Variants in ZYX observed in about 807,000 individuals in gnomAD.
ZYX encodes the protein zyxin-2.
A neutral mutation model predicts 58.1 loss-of-function variants in ZYX; 37 were observed. The ratio of observed to expected loss-of-function variants is 0.64; its 90% CI spans 0.49 to 0.84. The LOEUF is 0.84. ZYX is among the 40% of genes least tolerant of loss of function. ZYX has a pLI of 0.00. For missense variants in ZYX, 762 were observed against 761.6 expected (o/e 1.00, Z -0.01); for synonymous variants, 324 against 321.1 (o/e 1.01, Z -0.10).
In ZYX at chr7:143,390,988, C is replaced by A; in HGVS notation, c.*306C>A. On this transcript the variant is annotated 3_prime_UTR_variant, in exon 10 of 10. Coordinates refer to ENST00000322764, the MANE Select transcript of ZYX (RefSeq NM_003461.5). This position sits in a 1 kb window ranked among gnomAD's most constrained non-coding sequence, Gnocchi z 4.3. ...GCTGCACCCGCGCCCTCGGCCGGCC[C>A]CCCGAGCAGCCTTTGTACTCTGCTT... 1 of 401,706 alleles carries A rather than the reference C, an allele frequency of 2.5e-6. No homozygotes were observed. Among genetic ancestry groups the A allele is most frequent in the Non-Finnish European group, 4.6e-6 (1 of 217,334 alleles). 24.9% of individuals were successfully genotyped at this position (401,706 alleles called of 1,614,324 possible). A position where few individuals can be genotyped will look rare whatever the true frequency, so the allele number is the denominator to read the frequency against.
In ZYX at chr7:143,388,189, T is replaced by C. The variant is rs74512131; in HGVS notation, c.1024-30T>C. 1,640 of 1,572,964 alleles carry C rather than the reference T, an allele frequency of 1.0e-3. 14 individuals are homozygous for C. The African/African-American group carries it at 0.019, about 19-fold the overall frequency. On this transcript the variant is annotated intron_variant, in intron 5 of 9. Transcript: ENST00000322764. This position sits in a 1 kb window ranked among gnomAD's most constrained non-coding sequence, Gnocchi z 7.5. Reference sequence around the variant, plus strand: ...AAGGTTCTTGGAGGCAGCAGCCCTCTAGAGTGTGAGGAAAATGTTGGGATT... The same window carrying C: ...AAGGTTCTTGGAGGCAGCAGCCCTCCAGAGTGTGAGGAAAATGTTGGGATT...
chr7:143,382,532 T>G, intron 3 of ZYX, 61 bp from the exon 4 acceptor site: 1 of 1,599,398 alleles, frequency 6.3e-7, no homozygotes, highest in Non-Finnish European at 8.6e-7. Flanking sequence ...CCCCTGCACC[T>G]CTGCCTTGGG....
chr7:143,384,561 C>T lies in ZYX; in HGVS notation c.1023+1239C>T, dbSNP rs1489758457. 9.9e-5 allele frequency among the ~76,000 whole-genome samples: 15 copies of T among 152,048 alleles called. No homozygotes were observed. On this transcript the variant is annotated intron_variant, in intron 5 of 9. Coordinates refer to ENST00000322764, the MANE Select transcript of ZYX (RefSeq NM_003461.5). The surrounding 1 kb of genome is among the most constrained non-coding windows in gnomAD (Gnocchi z 4.9). ...GAAGCTTTCTGGAAAGTTTCACCAG[C>T]AGAGATGTGTATTCGAGGGAGGTCA...
intron 5 of ZYX, among the ~76,000 whole-genome samples, chr7:143,386,107 G>A (rs968707694): frequency 6.6e-6 from 1 of 151,758 alleles, no homozygotes; most frequent in Non-Finnish European, 1.5e-5. Context: ...TATGTGTGAG[G>A]GTGTGTGTGT....
At position 143,382,324 on chromosome 7, in the gene ZYX, GC is replaced by G. The variant is rs752841091; in HGVS notation, c.290del (p.Pro97LeufsTer45). ...EGALGGAFPP[P>X]PPPIEESFPP... ...GTGCTCTGGGAGGTGCCTTCCCGCC[GC>G]CCCCTCCCCCGATCGAGGAATCATT... is the stretch of plus-strand genomic sequence containing the variant. On this transcript the variant is annotated frameshift_variant, in exon 3 of 10. Transcript: ENST00000322764. LOFTEE classifies it high-confidence loss of function. 3.1e-6 allele frequency: 5 copies of G among 1,608,498 alleles called. No individual in the cohort carries two copies. Among genetic ancestry groups the G allele is most frequent in the Non-Finnish European group, 4.2e-6 (5 of 1,176,790 alleles).
chr7:143,385,599 C>A (rs1804828674), intron 5 of ZYX, among the ~76,000 whole-genome samples: 1 of 143,484 alleles, frequency 7.0e-6, no homozygotes, highest in South Asian at 2.4e-4. Context: ...CTTACAAATA[C>A]ACACAAGTGG....
In ZYX at chr7:143,384,369, G is replaced by C. The variant is rs1804782158; in HGVS notation, c.1023+1047G>C. 4 of 424,878 alleles carry C rather than the reference G, an allele frequency of 9.4e-6. No individual in the cohort carries two copies. The highest frequency in any genetic ancestry group is 3.4e-5 in the South Asian group (2 of 58,734). 26.3% of individuals were successfully genotyped at this position (424,878 alleles called of 1,614,324 possible). ...GATGTTTGGAGAACAGAAAGTGGAAGGTTCCTGTAGGAAAATGATAGAGCT... is the reference window on the plus strand; with the variant it reads ...GATGTTTGGAGAACAGAAAGTGGAACGTTCCTGTAGGAAAATGATAGAGCT... On this transcript the variant is annotated intron_variant, in intron 5 of 9. Transcript: ENST00000322764. The surrounding 1 kb of genome is among the most constrained non-coding windows in gnomAD (Gnocchi z 4.9).
chr7:143,382,775 T>A, intron 4 of ZYX, 26 bp from the exon 5 acceptor site: 1 of 1,609,616 alleles, frequency 6.2e-7, no homozygotes, highest in South Asian at 1.1e-5. Flanking sequence ...TGACTGCATC[T>A]CTCTTCCCTC....
rs779934079 is a variant in ZYX, at chr7:143,388,666, G to A, written c.1314+8G>A. 2.6e-5 allele frequency: 41 copies of A among 1,594,138 alleles called. No homozygotes were observed. The highest frequency in any genetic ancestry group is 2.4e-4 in the Admixed American group (14 of 58,860). On this transcript the variant is annotated splice_region_variant and intron_variant, in intron 7 of 9. Coordinates refer to ENST00000322764, the MANE Select transcript of ZYX (RefSeq NM_003461.5). This position sits in a 1 kb window ranked among gnomAD's most constrained non-coding sequence, Gnocchi z 7.5. The stretch of plus-strand genomic sequence containing the variant: ...TGCGAGGGCTGTTACACTGTGAGTC[G>A]GGCTGTGCTGGGCTGTGCTGGGCTG...
In ZYX at chr7:143,383,162, C is replaced by T. The variant is rs774885995; in HGVS notation, c.863C>T (p.Ser288Phe). 2.5e-6 allele frequency: 4 copies of T among 1,614,240 alleles called. No individual in the cohort carries two copies. In the South Asian group the frequency reaches 4.4e-5, roughly 18 times the overall value. The change falls in exon 5 of 10, where the codon TCT (serine) becomes TTT (phenylalanine). Residue 288 changes from serine (S) to phenylalanine (F), a missense_variant. Physicochemically the swap from Ser to Phe is radical, Grantham distance 155. Transcript: ENST00000322764. Reference protein sequence around the residue: ...SKFSPGAPGGSGSQPNQKLGH... With the variant: ...SKFSPGAPGGFGSQPNQKLGH... The stretch of plus-strand genomic sequence containing the variant: ...TTCAGTCCTGGAGCCCCAGGTGGAT[C>T]TGGGTCACAACCAAATCAAAAATTG...
chr7:143,381,530 G>T (rs1351941547), intron 1 of ZYX, 27 bp from the exon 2 acceptor site: 1 of 1,587,516 alleles, frequency 6.3e-7, no homozygotes, highest in Non-Finnish European at 8.6e-7. Context: ...CCGGCTCCGC[G>T]CTGCGTAACC....
Position 143,390,557 on chromosome 7 carries a change from C to G in ZYX, c.1615-21C>G, listed in dbSNP as rs369740316. The G allele has an allele frequency of 1.6e-4, 253 of 1,545,602 alleles. No individual in the cohort carries two copies. The African/African-American group carries it at 3.1e-3, about 19-fold the overall frequency. ...GCAGGGGCCTTCCGGTCCAGTGCCC[C>G]TCACCCTTCCTTCTTCCCAGGACTG... On this transcript the variant is annotated intron_variant, in intron 9 of 9. Coordinates refer to ENST00000322764, the MANE Select transcript of ZYX (RefSeq NM_003461.5). The surrounding 1 kb of genome is among the most constrained non-coding windows in gnomAD (Gnocchi z 4.3).
chr7:143,388,281 G>A lies in ZYX; in HGVS notation c.1086G>A (p.Leu362=). ...AGGAGGTGGAGGAGCTGGAGCAGCT[G>A]ACCCAGCAGCTAATGCAGGACATGG... ...TLKEVEELEQ[L]TQQLMQDMEH... is the part of the protein sequence containing the mutation. Residue 362 remains leucine (L), a synonymous_variant, in exon 6 of 10, where the codon CTG becomes CTA. Coordinates refer to ENST00000322764, the MANE Select transcript of ZYX (RefSeq NM_003461.5). The surrounding 1 kb of genome is among the most constrained non-coding windows in gnomAD (Gnocchi z 7.5). 1.2e-6 allele frequency: 2 copies of A among 1,613,706 alleles called. No homozygotes were observed. The highest frequency in any genetic ancestry group is 1.7e-6 in the Non-Finnish European group (2 of 1,179,812).
rs143074197 is a variant in ZYX, at chr7:143,389,863, C to T, written c.1500C>T (p.Tyr500=). The T allele has an allele frequency of 5.2e-5, 84 of 1,613,798 alleles. No individual in the cohort carries two copies. Among genetic ancestry groups the T allele is most frequent in the African/African-American group, 3.7e-4 (28 of 74,930 alleles). The change falls in exon 9 of 10, where the codon TAC becomes TAT. Residue 500 remains tyrosine (Y), a synonymous_variant. Transcript: ENST00000322764. This position sits in a 1 kb window ranked among gnomAD's most constrained non-coding sequence, Gnocchi z 5.6. ...PHCVPDYHKQ[Y]APRCSVCSEP... ...CCCTTTCTGCCCCTTCCAGGCAGTA[C>T]GCCCCGAGGTGCTCCGTCTGCTCTG...
rs543840726 is a variant in ZYX at position 143,382,938 on chromosome 7, G to A, written c.639G>A (p.Pro213=). ...PSSSQPLPQV[P]APAQSQTQFH... ...GCTCCCAGCCTCTGCCCCAGGTTCC[G>A]GCTCCGGCTCAGAGCCAGACACAGT... Residue 213 remains proline (P), a synonymous_variant, in exon 5 of 10, where the codon CCG becomes CCA. Transcript: ENST00000322764. The A allele has an allele frequency of 5.5e-5, 89 of 1,613,998 alleles. 1 individual carries two copies. The highest frequency in any genetic ancestry group is 5.3e-4 in the South Asian group (48 of 91,054).
chr7:143,390,569 T>C lies in ZYX; in HGVS notation c.1615-9T>C. 6.4e-7 allele frequency: 1 copy of C among 1,556,842 alleles called. No homozygotes were observed. On this transcript the variant is annotated splice_polypyrimidine_tract_variant and intron_variant, in intron 9 of 9. Transcript: ENST00000322764. This position sits in a 1 kb window ranked among gnomAD's most constrained non-coding sequence, Gnocchi z 4.3. ...CGGTCCAGTGCCCCTCACCCTTCCT[T>C]CTTCCCAGGACTGCGGGAAGCCCCT...
At position 143,388,756 on chromosome 7, in the gene ZYX, T is replaced by C. The variant is rs199617231; in HGVS notation, c.1315-11T>C. 1 of 1,611,800 alleles carries C rather than the reference T, an allele frequency of 6.2e-7. No homozygotes were observed. The highest frequency in any genetic ancestry group is 8.5e-7 in the Non-Finnish European group (1 of 1,178,490). ...CGGTTCCCTGCCAACCTCCTCCTGCTGCCTCCTCAGGACACCCTGGAGAAG... is the reference window on the plus strand; with the variant it reads ...CGGTTCCCTGCCAACCTCCTCCTGCCGCCTCCTCAGGACACCCTGGAGAAG... On this transcript the variant is annotated splice_polypyrimidine_tract_variant and intron_variant, in intron 7 of 9. Coordinates refer to ENST00000322764, the MANE Select transcript of ZYX (RefSeq NM_003461.5). The surrounding 1 kb of genome is among the most constrained non-coding windows in gnomAD (Gnocchi z 7.5).
Position 143,381,383 on chromosome 7 carries a change from GACGCGGCGCGC to G in ZYX, c.-37_-27del, listed in dbSNP as rs1804561244. 9.3e-6 allele frequency: 11 copies of G among 1,180,640 alleles called. No individual in the cohort carries two copies. The highest frequency in any genetic ancestry group is 1.2e-5 in the Non-Finnish European group (11 of 953,302). The allele number at this position is 1,180,640 out of a possible 1,614,324, so 73.1% of individuals were successfully genotyped here. A position where few individuals can be genotyped will look rare whatever the true frequency, so the allele number is the denominator to read the frequency against. On this transcript the variant is annotated 5_prime_UTR_variant, in exon 1 of 10. Coordinates refer to ENST00000322764, the MANE Select transcript of ZYX (RefSeq NM_003461.5). ...ACCCGGCGCCGAGGCGGCCACCCGA[GACGCGGCGCGC>G]ACGCTCCGGCCTGCGGTGAGGCGCG...
rs1471312459 is a variant in ZYX at position 143,388,418 on chromosome 7, C to T, written c.1145-71C>T. 1.9e-6 allele frequency: 3 copies of T among 1,605,250 alleles called. No individual in the cohort carries two copies. The highest frequency in any genetic ancestry group is 8.5e-7 in the Non-Finnish European group (1 of 1,173,826). ...CCAGGGCTGTGGCTCCACTCCCTAT[C>T]TGAGCTGGCTGATCCCTCGCAGCTC... On this transcript the variant is annotated intron_variant, in intron 6 of 9. Coordinates refer to ENST00000322764, the MANE Select transcript of ZYX (RefSeq NM_003461.5). This position sits in a 1 kb window ranked among gnomAD's most constrained non-coding sequence, Gnocchi z 7.5.
Sources: allele counts gnomAD v4.1 joint callset (sites outside exome capture counted in the v4.1 genomes callset), GRCh38; gene constraint gnomAD v4.1.1; non-coding constraint Gnocchi (gnomAD v3.1); transcripts MANE v1.5; gene names NCBI Gene and HGNC (gene_info 2026-07-23, HGNC 2026-07-21).